RNGTT: variants seen among roughly 807,000 people sequenced by gnomAD.
RNGTT encodes RNA guanylyltransferase and 5'-phosphatase, also known as mRNA-capping enzyme.
Under a neutral mutation model 79.3 loss-of-function variants are expected in RNGTT, and 33 were observed. The ratio of observed to expected loss-of-function variants is 0.42; its 90% confidence interval spans 0.32 to 0.56. The LOEUF (loss-of-function observed/expected upper bound fraction) is 0.56, where lower values mean the gene tolerates loss of function less well. Ranked by LOEUF, RNGTT falls within the 20% of genes least tolerant of loss-of-function variation. The probability of loss-of-function intolerance (pLI) is 0.17; values close to 1 mark genes in which losing one functional copy is unlikely to be tolerated. For missense variants in RNGTT, 497 were observed against 739.1 expected (o/e 0.67, Z 3.80); for synonymous variants, 222 against 235.9 (o/e 0.94, Z 0.54).
intron 2 of RNGTT, among the ~76,000 whole-genome samples, chr6:88,932,534 T>G (rs995138736): frequency 8.5e-5 from 13 of 152,168 alleles, no homozygotes; most frequent in African/African-American, 2.9e-4. Flanking sequence ...TCACGGAACC[T>G]GCTGACATGT....
intron 13 of RNGTT, among the ~76,000 whole-genome samples, chr6:88,690,366 A>C (rs1360816288): frequency 6.6e-6 from 1 of 152,068 alleles, no homozygotes; most frequent in Non-Finnish European, 1.5e-5. Flanking sequence ...ATACTCTATG[A>C]AATATTTTTG....
At chr6:88,747,003 C>G (rs1233396005) in intron 13 of RNGTT, among the ~76,000 whole-genome samples, 2 of 152,146 alleles carry the variant, frequency 1.3e-5, no homozygotes, top group African/African-American at 4.8e-5. Context: ...GTGGTACTTT[C>G]TCCTATTCCT....
At chr6:88,621,114 C>T (rs1315773660) in intron 14 of RNGTT, among the ~76,000 whole-genome samples, 2 of 152,170 alleles carry the variant, frequency 1.3e-5, no homozygotes, top group Admixed American at 1.3e-4. Context: ...GAACCAAGCA[C>T]ATTTGCTAGC....
At chr6:88,672,470 T>C (rs1162986731) in intron 14 of RNGTT, among the ~76,000 whole-genome samples, 3 of 152,060 alleles carry the variant, frequency 2.0e-5, no homozygotes, top group Non-Finnish European at 4.4e-5. Flanking sequence ...AACCAAACAC[T>C]GTATGTTCTC....
rs554065287 is a variant in RNGTT at position 88,787,669 on chromosome 6, A to C, written c.1338+13895T>G. On this transcript the variant is annotated intron_variant, in intron 12 of 15. Coordinates refer to ENST00000369485, the MANE Select transcript of RNGTT (RefSeq NM_003800.5). ...AGTGAAACTTCATTTCAAAAACAAA[A>C]AAAAAAAAGGAGTGAAGAAAAGATT... Among the ~76,000 whole-genome samples, 171 of 151,966 alleles carry C rather than the reference A, an allele frequency of 1.1e-3. 2 individuals carry two copies. Among genetic ancestry groups the C allele is most frequent in the South Asian group, 6.5e-3 (31 of 4,792 alleles).
At chr6:88,922,590 C>G (rs1016909514) in intron 4 of RNGTT, among the ~76,000 whole-genome samples, 2 of 151,924 alleles carry the variant, frequency 1.3e-5, no homozygotes, top group African/African-American at 4.8e-5. Context: ...TGCAGTGGCG[C>G]AATCTCGGCT....
At chr6:88,826,172 G>T (rs2127883997) in intron 11 of RNGTT, among the ~76,000 whole-genome samples, 1 of 152,290 alleles carries the variant, frequency 6.6e-6, no homozygotes, top group South Asian at 2.1e-4. Context: ...TGGGCAGGGG[G>T]CATGGTTTAC....
At chr6:88,748,396 G>A (rs1777735530) in intron 13 of RNGTT, among the ~76,000 whole-genome samples, 3 of 151,818 alleles carry the variant, frequency 2.0e-5, no homozygotes, top group South Asian at 2.1e-4. Flanking sequence ...TCTTCCATCT[G>A]GTGCTTCTCC....
intron 12 of RNGTT, among the ~76,000 whole-genome samples, chr6:88,794,726 C>A (rs941636563): frequency 6.6e-6 from 1 of 152,208 alleles, no homozygotes; most frequent in African/African-American, 2.4e-5. Flanking sequence ...TTAAAGAGAA[C>A]CATTTTTGCT....
At chr6:88,718,810 A>G (rs1346423200) in intron 13 of RNGTT, among the ~76,000 whole-genome samples, 1 of 152,206 alleles carries the variant, frequency 6.6e-6, no homozygotes, top group Non-Finnish European at 1.5e-5. Flanking sequence ...ACCACAGCGA[A>G]GAAGTAGATT....
At chr6:88,781,128 G>A (rs1433636806) in intron 12 of RNGTT, among the ~76,000 whole-genome samples, 3 of 152,328 alleles carry the variant, frequency 2.0e-5, no homozygotes, top group East Asian at 3.9e-4. Context: ...GCTAGCATTA[G>A]TAACGGCAAA....
At chr6:88,849,643 T>C (rs573399766) in intron 10 of RNGTT, 112 bp downstream of exon 10, 64 of 941,254 alleles carry the variant, frequency 6.8e-5, no homozygotes, top group Admixed American at 2.0e-4. Flanking sequence ...GTGAGTAACC[T>C]GAGTCACAAA....
At chr6:88,642,457 G>T (rs1445561927) in intron 14 of RNGTT, among the ~76,000 whole-genome samples, 2 of 152,196 alleles carry the variant, frequency 1.3e-5, no homozygotes, top group Non-Finnish European at 2.9e-5. Context: ...TTCATTAAAT[G>T]ATGATGTTGG....
chr6:88,931,226 T>C (rs931255396), intron 2 of RNGTT, among the ~76,000 whole-genome samples: 2 of 149,718 alleles, frequency 1.3e-5, no homozygotes, highest in Non-Finnish European at 3.0e-5. Context: ...AGAAGTTCTA[T>C]GTGCTAATAT....
chr6:88,819,064 T>C (rs945049312), intron 11 of RNGTT, among the ~76,000 whole-genome samples: 9 of 152,170 alleles, frequency 5.9e-5, no homozygotes, highest in South Asian at 2.1e-4. Flanking sequence ...CAGCAAATTA[T>C]TAGAAAATTT....
At chr6:88,901,933 A>T (rs1783483492) in intron 6 of RNGTT, among the ~76,000 whole-genome samples, 1 of 152,216 alleles carries the variant, frequency 6.6e-6, no homozygotes. Context: ...CTTCAGTTAG[A>T]AGGAAAACTA....
chr6:88,711,564 G>T (rs1341060664), intron 13 of RNGTT, among the ~76,000 whole-genome samples: 5 of 152,076 alleles, frequency 3.3e-5, no homozygotes, highest in South Asian at 4.2e-4. Flanking sequence ...TGCTTAGTGG[G>T]TCTTAGACTA....
chr6:88,833,439 G>A (rs1335401920), intron 11 of RNGTT, among the ~76,000 whole-genome samples: 1 of 152,154 alleles, frequency 6.6e-6, no homozygotes, highest in Non-Finnish European at 1.5e-5. Context: ...GGGGGCTATG[G>A]GAGGGATAGC....
At chr6:88,772,178 C>CAA (rs35990941) in intron 12 of RNGTT, among the ~76,000 whole-genome samples, 1 of 123,226 alleles carries the variant, frequency 8.1e-6, no homozygotes. Flanking sequence ...AACTCTGTCT[C>CAA]AAAAAAAAAA....
Sources: gnomAD v4.1 joint callset for allele counts (sites outside exome capture counted in the v4.1 genomes callset) on GRCh38, gnomAD v4.1.1 for gene constraint, MANE v1.5 for transcripts, NCBI Gene and HGNC (gene_info 2026-07-23, HGNC 2026-07-21) for gene names.